The following SNX25 variants were observed in gnomAD, a reference collection of about 807,000 sequenced individuals.
The protein encoded by SNX25 is sorting nexin-25.
Under a neutral mutation model 113.7 loss-of-function variants are expected in SNX25, and 62 were observed. That is an observed-to-expected ratio of 0.55 (90% CI 0.44 to 0.67). The LOEUF (loss-of-function observed/expected upper bound fraction) is 0.67, where lower values mean the gene tolerates loss of function less well. Among genes scored for constraint, SNX25 ranks in the 30% least tolerant of loss-of-function variants. The pLI, the probability that SNX25 is intolerant of heterozygous loss-of-function variation, is 0.00. For missense variants in SNX25, 1,014 were observed against 1,161.0 expected (o/e 0.87, Z 1.84); for synonymous variants, 421 against 436.2 (o/e 0.97, Z 0.43).
chr4:185,224,466 AATAT>A (rs1740563125), intron 1 of SNX25, among the ~76,000 whole-genome samples: 1 of 103,620 alleles, frequency 9.7e-6, no homozygotes, highest in African/African-American at 3.5e-5. Flanking sequence ...TAGATATATA[AATAT>A]ATAAATATAT....
Position 185,363,587 on chromosome 4 carries a change from A to G in SNX25, c.*122A>G. 3.5e-6 allele frequency: 3 copies of G among 859,082 alleles called. No homozygotes were observed. The highest frequency in any genetic ancestry group is 2.6e-5 in the East Asian group (1 of 37,822). The allele number at this position is 859,082 out of a possible 1,614,324, so 53.2% of individuals were successfully genotyped here. On this transcript the variant is annotated 3_prime_UTR_variant, in exon 19 of 19. Transcript: ENST00000652585. This position sits in a 1 kb window ranked among gnomAD's most constrained non-coding sequence, Gnocchi z 4.2. ...ATTTTTATTTTAGTTACCTCCCTCT[A>G]GTTTTATGTGAAATTAGTAGAATCA...
chr4:185,362,216 AAAAG>A (rs1260907687), intron 17 of SNX25, 111 bp downstream of exon 17: 21 of 1,418,430 alleles, frequency 1.5e-5, no homozygotes, highest in Non-Finnish European at 1.9e-5. Flanking sequence ...AATGAAAAAA[AAAAG>A]GATCATACTC....
At chr4:185,374,149 T>C (rs2095425366), downstream of SNX25, 1 of 1,613,932 alleles carries the variant, frequency 6.2e-7, no homozygotes. Flanking sequence ...TCTAACTCCT[T>C]GGGCTCCTTG....
intron 1 of SNX25, among the ~76,000 whole-genome samples, chr4:185,221,842 T>C (rs3112899): frequency 0.65 from 98,654 of 151,132 alleles, 32,236 homozygotes; most frequent in East Asian, 0.75. Flanking sequence ...AACTTCTCTT[T>C]CTTTATACCA....
chr4:185,332,511 T>G (rs1310938587), intron 9 of SNX25, 84 bp from the exon 10 acceptor site: 1 of 1,309,316 alleles, frequency 7.6e-7, no homozygotes, highest in African/African-American at 1.5e-5. Flanking sequence ...GAATGTAGTA[T>G]TTTGCAACAG....
chr4:185,301,491 C>T (rs1351716578), intron 6 of SNX25, among the ~76,000 whole-genome samples: 1 of 151,260 alleles, frequency 6.6e-6, no homozygotes, highest in African/African-American at 2.4e-5. Flanking sequence ...ACCCGGGTTC[C>T]AGTGATTCTC....
At chr4:185,317,297 C>T (rs575583247) in intron 7 of SNX25, among the ~76,000 whole-genome samples, 6 of 152,218 alleles carry the variant, frequency 3.9e-5, no homozygotes, top group African/African-American at 9.6e-5. Context: ...GTTAGAATGG[C>T]GATTATTAAA....
intron 5 of SNX25, among the ~76,000 whole-genome samples, chr4:185,268,015 G>A (rs1353075680): frequency 1.3e-5 from 2 of 152,134 alleles, no homozygotes; most frequent in Non-Finnish European, 2.9e-5. Context: ...AATGAGGAGG[G>A]GTTTGTCTTA....
intron 6 of SNX25, among the ~76,000 whole-genome samples, chr4:185,310,233 C>A (rs1755049458): frequency 6.6e-6 from 1 of 152,176 alleles, no homozygotes; most frequent in African/African-American, 2.4e-5. Flanking sequence ...TCCATGAGAG[C>A]CAACAATTGG....
At chr4:185,360,535 A>C (rs1211365885) in intron 16 of SNX25, among the ~76,000 whole-genome samples, 1 of 152,138 alleles carries the variant, frequency 6.6e-6, no homozygotes, top group Non-Finnish European at 1.5e-5. Context: ...GTCTAAGATG[A>C]TTCTTTTCCC....
intron 1 of SNX25, among the ~76,000 whole-genome samples, chr4:185,220,374 T>C (rs993311033): frequency 1.2e-4 from 18 of 152,170 alleles, no homozygotes; most frequent in African/African-American, 4.1e-4. Flanking sequence ...GTTGGTGTGC[T>C]GCACCCATTA....
At chr4:185,244,310 GT>G (rs2126475236) in intron 1 of SNX25, among the ~76,000 whole-genome samples, 1 of 152,300 alleles carries the variant, frequency 6.6e-6, no homozygotes, top group African/African-American at 2.4e-5. Context: ...TCTTCAATAA[GT>G]TTTTTGGCTT....
intron 7 of SNX25, among the ~76,000 whole-genome samples, chr4:185,318,061 G>A (rs958473624): frequency 7.9e-5 from 12 of 152,124 alleles, no homozygotes; most frequent in Admixed American, 7.9e-4. Flanking sequence ...GAAAGAAAAT[G>A]CCTGCCCCCT....
At chr4:185,338,711 A>G (rs1398829165) in intron 10 of SNX25, among the ~76,000 whole-genome samples, 3 of 152,002 alleles carry the variant, frequency 2.0e-5, no homozygotes, top group African/African-American at 4.8e-5. Flanking sequence ...TGAATGTCCA[A>G]TTTTCCCAAC....
Position 185,361,979 on chromosome 4 carries a change from A to G in SNX25, c.2707A>G (p.Ile903Val), listed in dbSNP as rs114322717. ...CAGTGAGCAAATGTTGGTTTACTAC[A>G]TCAATATTTTCCGGGATGCTTTTTG... ...IFSEQMLVYY[I>V]NIFRDAFWPN... Residue 903 changes from isoleucine (I) to valine (V), a missense_variant, in exon 17 of 19, where the codon ATC (isoleucine) becomes GTC (valine). Coordinates refer to ENST00000652585, the MANE Select transcript of SNX25 (RefSeq NM_001378034.2). 170 of 1,614,156 alleles carry G rather than the reference A, an allele frequency of 1.1e-4. No individual in the cohort carries two copies. In the African/African-American group the frequency reaches 2.1e-3, roughly 20 times the overall value.
chr4:185,364,703 A>T (rs2095380340), downstream of SNX25: 1 of 149,248 alleles, frequency 6.7e-6, no homozygotes, highest in Non-Finnish European at 1.5e-5. Context: ...TTTGACACTT[A>T]AAAAAATACC....
intron 6 of SNX25, 147 bp downstream of exon 6, chr4:185,288,229 G>A (rs1159383499): frequency 3.5e-6 from 2 of 570,136 alleles, no homozygotes; most frequent in African/African-American, 1.9e-5. Context: ...TACTATTACA[G>A]TATTAGAGAA....
At chr4:185,375,566 C>T in the SNX25 span, 1 of 762,910 alleles carries the variant, frequency 1.3e-6, no homozygotes, top group Admixed American at 3.0e-5. Flanking sequence ...GTCCAATAAT[C>T]CACTGACAAT....
At chr4:185,252,342 C>T (rs1457572229) in intron 2 of SNX25, among the ~76,000 whole-genome samples, 1 of 151,988 alleles carries the variant, frequency 6.6e-6, no homozygotes, top group Non-Finnish European at 1.5e-5. Flanking sequence ...AAACCCGGCA[C>T]CAATATATTT....
Sources: allele counts gnomAD v4.1 joint callset (sites outside exome capture counted in the v4.1 genomes callset), GRCh38; gene constraint gnomAD v4.1.1; non-coding constraint Gnocchi (gnomAD v3.1); transcripts MANE v1.5; gene names NCBI Gene and HGNC (gene_info 2026-07-23, HGNC 2026-07-21).